FOXO3: variants seen among roughly 807,000 people sequenced by gnomAD.
The protein encoded by FOXO3 is forkhead box protein O3.
FOXO3 carries 4 observed loss-of-function variants against 41.9 expected under a neutral mutation model. That is an observed-to-expected ratio of 0.10 (90% CI 0.05 to 0.22). The LOEUF (loss-of-function observed/expected upper bound fraction) is 0.22. Among genes scored for constraint, FOXO3 ranks in the 10% least tolerant of loss-of-function variants. The probability of loss-of-function intolerance (pLI) is 1.00; values close to 1 mark genes in which losing one functional copy is unlikely to be tolerated. For synonymous variants in FOXO3, 318 were observed against 389.3 expected (o/e 0.82, Z 2.16); for missense variants, 534 against 906.8 (o/e 0.59, Z 5.28).
At chr6:108,587,571 G>A (rs1246070327) in intron 1 of FOXO3, among the ~76,000 whole-genome samples, 1 of 152,158 alleles carries the variant, frequency 6.6e-6, no homozygotes, top group East Asian at 1.9e-4. Flanking sequence ...CTTGTTCTAC[G>A]GCTTGCTTTT....
intron 1 of FOXO3, among the ~76,000 whole-genome samples, chr6:108,628,393 C>T (rs1285642275): frequency 1.3e-5 from 2 of 152,192 alleles, no homozygotes; most frequent in African/African-American, 2.4e-5. Context: ...TCTCTGGCTG[C>T]GCATATTTAA....
At chr6:108,628,946 A>G (rs1327223512) in intron 1 of FOXO3, among the ~76,000 whole-genome samples, 1 of 152,098 alleles carries the variant, frequency 6.6e-6, no homozygotes, top group Non-Finnish European at 1.5e-5. Context: ...GCGAAGTGTC[A>G]TGTAGCAACA....
At chr6:108,657,999 T>C (rs1048843635) in intron 1 of FOXO3, among the ~76,000 whole-genome samples, 1 of 151,890 alleles carries the variant, frequency 6.6e-6, no homozygotes, top group Admixed American at 6.6e-5. Context: ...CCTGGGGGAG[T>C]TGGCTCTTAC....
intron 1 of FOXO3, among the ~76,000 whole-genome samples, chr6:108,647,943 A>G (rs1336944404): frequency 6.6e-6 from 1 of 152,176 alleles, no homozygotes; most frequent in Non-Finnish European, 1.5e-5. Context: ...TTTCCTTCAC[A>G]GAGATCTAAA....
chr6:108,600,598 T>A (rs1290504634), intron 1 of FOXO3, among the ~76,000 whole-genome samples: 5 of 150,452 alleles, frequency 3.3e-5, no homozygotes, highest in Non-Finnish European at 7.4e-5. Flanking sequence ...TGTAGAAAAT[T>A]TAGAAGCCAG....
chr6:108,653,639 T>C (rs1219690138), intron 1 of FOXO3, among the ~76,000 whole-genome samples: 2 of 152,196 alleles, frequency 1.3e-5, no homozygotes, highest in Non-Finnish European at 2.9e-5. Context: ...TTTACTGAGC[T>C]TCCTGCCCTG....
intron 1 of FOXO3, among the ~76,000 whole-genome samples, chr6:108,602,767 GTCTT>G (rs1029029452): frequency 1.3e-5 from 2 of 152,120 alleles, no homozygotes; most frequent in African/African-American, 4.8e-5. Context: ...GTGTACATGT[GTCTT>G]TCTGTGTGTT....
chr6:108,635,743 G>A (rs190960216), intron 1 of FOXO3, among the ~76,000 whole-genome samples: 4 of 152,330 alleles, frequency 2.6e-5, no homozygotes, highest in African/African-American at 4.8e-5. Flanking sequence ...CTCGTGGTTA[G>A]TAGAGGTGGA....
intron 1 of FOXO3, among the ~76,000 whole-genome samples, chr6:108,634,188 C>T (rs750778584): frequency 3.3e-5 from 5 of 152,130 alleles, no homozygotes; most frequent in African/African-American, 9.7e-5. Flanking sequence ...AAGAAAAATG[C>T]CTGGCATAAA....
intron 1 of FOXO3, among the ~76,000 whole-genome samples, chr6:108,563,419 G>A (rs1775870137): frequency 6.6e-6 from 1 of 152,212 alleles, no homozygotes; most frequent in African/African-American, 2.4e-5. Context: ...TTACAGAAAG[G>A]ATGAAAGTTA....
chr6:108,595,560 AT>A (rs1776858163), intron 1 of FOXO3, among the ~76,000 whole-genome samples: 1 of 152,066 alleles, frequency 6.6e-6, no homozygotes, highest in African/African-American at 2.4e-5. Flanking sequence ...TTATTATTTT[AT>A]GTTCTCTCTC....
At chr6:108,678,254 G>A (rs892878687) in intron 2 of FOXO3, among the ~76,000 whole-genome samples, 1 of 152,206 alleles carries the variant, frequency 6.6e-6, no homozygotes, top group Non-Finnish European at 1.5e-5. Flanking sequence ...AGAAGCAGAT[G>A]TATATAATGT....
At position 108,615,606 on chromosome 6, in the gene FOXO3, T is replaced by C. The variant is rs371201677; in HGVS notation, c.622-47849T>C. On this transcript the variant is annotated intron_variant, in intron 1 of 2. Coordinates refer to ENST00000406360, the MANE Select transcript of FOXO3 (RefSeq NM_001455.4). ...TGAGTTTTTCTTGGATCTGAGTGTT[T>C]ATAGTTTTTTATAAAAAAAATTTAA... Among the ~76,000 whole-genome samples the C allele has an allele frequency of 1.7e-3, 263 of 152,154 alleles. 1 individual carries two copies. Among genetic ancestry groups the C allele is most frequent in the African/African-American group, 5.7e-3 (237 of 41,546 alleles).
At chr6:108,616,339 A>AT (rs1171260853) in intron 1 of FOXO3, among the ~76,000 whole-genome samples, 4 of 151,206 alleles carry the variant, frequency 2.6e-5, no homozygotes, top group Admixed American at 6.6e-5. Context: ...TAATTTTTTT[A>AT]TTTTTTAGAG....
chr6:108,662,923 C>G (rs1174624078), intron 1 of FOXO3, among the ~76,000 whole-genome samples: 3 of 152,158 alleles, frequency 2.0e-5, no homozygotes, highest in African/African-American at 7.2e-5. Context: ...CTTATCTATT[C>G]CCAGCATCTC....
chr6:108,627,977 T>C (rs1390988767), intron 1 of FOXO3, among the ~76,000 whole-genome samples: 1 of 152,178 alleles, frequency 6.6e-6, no homozygotes, highest in Admixed American at 6.5e-5. Context: ...GTTTGGCATG[T>C]AGTAAGTGCC....
At chr6:108,611,605 G>C (rs1413772143) in intron 1 of FOXO3, among the ~76,000 whole-genome samples, 1 of 151,514 alleles carries the variant, frequency 6.6e-6, no homozygotes, top group Admixed American at 6.6e-5. Flanking sequence ...ATTTGCATTT[G>C]CTTAATGATT....
chr6:108,620,928 C>G (rs1777648037), intron 1 of FOXO3, among the ~76,000 whole-genome samples: 1 of 152,120 alleles, frequency 6.6e-6, no homozygotes, highest in African/African-American at 2.4e-5. Flanking sequence ...GAAGGCACTT[C>G]TTAGATGTTT....
chr6:108,620,193 C>T (rs1044146276), intron 1 of FOXO3, among the ~76,000 whole-genome samples: 2 of 152,150 alleles, frequency 1.3e-5, no homozygotes, highest in Non-Finnish European at 1.5e-5. Flanking sequence ...ACAGACTATG[C>T]TTGTACTCAG....
Sources: gnomAD v4.1 joint callset for allele counts (sites outside exome capture counted in the v4.1 genomes callset) on GRCh38, gnomAD v4.1.1 for gene constraint, MANE v1.5 for transcripts, NCBI Gene and HGNC (gene_info 2026-07-23, HGNC 2026-07-21) for gene names.